Variants in BEND7 observed in about 807,000 individuals in gnomAD.
BEND7 encodes the protein BEN domain-containing protein 7.
BEND7 carries 28 observed loss-of-function variants against 50.9 expected under a neutral mutation model. The observed-to-expected ratio is 0.55, with a 90% CI of 0.41 to 0.75. The LOEUF (loss-of-function observed/expected upper bound fraction) is 0.75. Among genes scored for constraint, BEND7 ranks in the 30% least tolerant of loss-of-function variants. The pLI, the probability that BEND7 is intolerant of heterozygous loss-of-function variation, is 0.00. For synonymous variants in BEND7, 170 were observed against 183.9 expected (o/e 0.92, Z 0.61); for missense variants, 477 against 491.3 (o/e 0.97, Z 0.28).
intron 1 of BEND7, among the ~76,000 whole-genome samples, chr10:13,528,088 G>C (rs1012602559): frequency 6.6e-6 from 1 of 152,104 alleles, no homozygotes; most frequent in Admixed American, 6.5e-5. Context: ...GCGGGGGGAA[G>C]GGGGAAGACC....
intron 2 of BEND7, among the ~76,000 whole-genome samples, chr10:13,508,938 G>A (rs910123254): frequency 6.6e-6 from 1 of 152,238 alleles, no homozygotes; most frequent in Admixed American, 6.5e-5. Flanking sequence ...TTGTAATCAT[G>A]GCTGAAGATG....
At chr10:13,471,261 T>C (rs1349202942) in intron 6 of BEND7, among the ~76,000 whole-genome samples, 2 of 152,236 alleles carry the variant, frequency 1.3e-5, no homozygotes, top group African/African-American at 4.8e-5. Flanking sequence ...AAATATGTTG[T>C]TAGCAGAAAT....
At chr10:13,513,027 A>G (rs2078392026) in intron 2 of BEND7, among the ~76,000 whole-genome samples, 1 of 152,220 alleles carries the variant, frequency 6.6e-6, no homozygotes, top group Non-Finnish European at 1.5e-5. Flanking sequence ...GCACATACAG[A>G]TATGTATACC....
intron 4 of BEND7, among the ~76,000 whole-genome samples, chr10:13,493,290 T>G (rs557223569): frequency 5.9e-5 from 9 of 152,350 alleles, no homozygotes; most frequent in African/African-American, 2.2e-4. Context: ...CATTTGGGGT[T>G]AGACTGATCC....
intron 2 of BEND7, among the ~76,000 whole-genome samples, chr10:13,518,819 T>C (rs1402381617): frequency 1.3e-5 from 2 of 152,202 alleles, no homozygotes; most frequent in Admixed American, 1.3e-4. Flanking sequence ...TTACAATAAA[T>C]CTTCAGAGTC....
At chr10:13,498,881 G>T (rs1488886417) in intron 3 of BEND7, among the ~76,000 whole-genome samples, 1 of 152,098 alleles carries the variant, frequency 6.6e-6, no homozygotes, top group Non-Finnish European at 1.5e-5. Context: ...CAATGTCTCA[G>T]GATGGCTTTT....
At position 13,452,567 on chromosome 10, in the gene BEND7, C is replaced by T. The variant is rs1171861040; in HGVS notation, c.1155G>A (p.Leu385=). ...AGCCTCTTTTTAACCTTCTTCTGGC[C>T]AGTTTAATTTGATCCTGTAGAATCT... The part of the protein sequence containing the change: ...WVQILQDQIK[L]ARRRLKRGSE... Residue 385 remains leucine, a synonymous_variant, in exon 7 of 9, where the codon CTG becomes CTA. Coordinates refer to ENST00000466271, the MANE Select transcript of BEND7 (RefSeq NM_001369863.1). 2 of 1,612,402 alleles carry T rather than the reference C, an allele frequency of 1.2e-6. No homozygotes were observed. Among genetic ancestry groups the T allele is most frequent in the Non-Finnish European group, 1.7e-6 (2 of 1,179,332 alleles).
intron 8 of BEND7, 119 bp downstream of exon 8, chr10:13,447,147 C>CAGCAG: frequency 1.2e-6 from 1 of 819,780 alleles, no homozygotes. Context: ...GCCTGGTCCA[C>CAGCAG]TGCAGAAGCA....
chr10:13,489,970 T>C (rs903814308), intron 5 of BEND7, among the ~76,000 whole-genome samples: 4 of 152,252 alleles, frequency 2.6e-5, no homozygotes, highest in Non-Finnish European at 5.9e-5. Context: ...TCCCATATAC[T>C]CTATCTCATT....
At chr10:13,493,878 G>GA (rs924577953) in intron 4 of BEND7, among the ~76,000 whole-genome samples, 2 of 152,114 alleles carry the variant, frequency 1.3e-5, no homozygotes, top group Non-Finnish European at 2.9e-5. Flanking sequence ...TAAGACAAGT[G>GA]AAAACTAAAG....
chr10:13,502,610 A>G (rs1349055946), intron 2 of BEND7, among the ~76,000 whole-genome samples: 22 of 152,230 alleles, frequency 1.4e-4, no homozygotes, highest in Non-Finnish European at 3.2e-4. Flanking sequence ...ATAAGCCCAC[A>G]GGCAAATGCG....
At chr10:13,504,844 A>G (rs902766648) in intron 2 of BEND7, among the ~76,000 whole-genome samples, 1 of 152,238 alleles carries the variant, frequency 6.6e-6, no homozygotes, top group African/African-American at 2.4e-5. Flanking sequence ...AAAAGATTGT[A>G]TGCTGGATTC....
chr10:13,511,459 A>G (rs1367874877), intron 2 of BEND7: 2 of 152,272 alleles, frequency 1.3e-5, no homozygotes, highest in Non-Finnish European at 2.9e-5. Context: ...CAAGCTGGGT[A>G]TAAGGCAACT....
intron 4 of BEND7, among the ~76,000 whole-genome samples, chr10:13,494,385 C>T (rs866607024): frequency 1.3e-5 from 2 of 152,198 alleles, no homozygotes; most frequent in African/African-American, 4.8e-5. Flanking sequence ...CCACTGCACT[C>T]CAGCCTGGCG....
intron 6 of BEND7, among the ~76,000 whole-genome samples, chr10:13,473,614 T>C (rs1476370911): frequency 7.1e-6 from 1 of 141,400 alleles, no homozygotes. Flanking sequence ...CTGTCATCGC[T>C]GTTAGACTCA....
chr10:13,477,783 G>T (rs558211040), intron 6 of BEND7, among the ~76,000 whole-genome samples: 2 of 152,292 alleles, frequency 1.3e-5, no homozygotes, highest in Non-Finnish European at 2.9e-5. Context: ...TTTAGTATTA[G>T]ACCCATTATG....
At chr10:13,507,134 A>G (rs2077955043) in intron 2 of BEND7, among the ~76,000 whole-genome samples, 1 of 152,152 alleles carries the variant, frequency 6.6e-6, no homozygotes, top group Admixed American at 6.6e-5. Context: ...TTATAGAGAG[A>G]TATTAGATCT....
downstream of BEND7, chr10:13,438,902 G>A: frequency 2.4e-6 from 1 of 415,202 alleles, no homozygotes; most frequent in South Asian, 2.7e-5. Flanking sequence ...TAAAGGCTCT[G>A]GGTTTGGGCT....
intron 8 of BEND7, 37 bp downstream of exon 8, chr10:13,447,229 C>T (rs1186249762): frequency 6.2e-7 from 1 of 1,609,210 alleles, no homozygotes; most frequent in African/African-American, 1.3e-5. Context: ...GCTGTATTTT[C>T]CAGGAGGTGA....
Sources: gnomAD v4.1 joint callset for allele counts (sites outside exome capture counted in the v4.1 genomes callset) on GRCh38, gnomAD v4.1.1 for gene constraint, MANE v1.5 for transcripts, NCBI Gene and HGNC (gene_info 2026-07-23, HGNC 2026-07-21) for gene names.